Variants in PCSK6 observed in about 807,000 individuals in gnomAD.
PCSK6 encodes proprotein convertase subtilisin/kexin type 6.
In PCSK6, 85 loss-of-function variants were observed where a neutral mutation model predicts 123.3. The ratio of observed to expected loss-of-function variants is 0.69; its 90% confidence interval spans 0.58 to 0.83. PCSK6 has a LOEUF of 0.83. PCSK6 is among the 40% of genes least tolerant of loss of function. The probability of loss-of-function intolerance (pLI) is 0.00; values close to 1 mark genes in which losing one functional copy is unlikely to be tolerated. For synonymous variants in PCSK6, 508 were observed against 516.0 expected (o/e 0.98, Z 0.21); for missense variants, 1,191 against 1,282.3 (o/e 0.93, Z 1.09).
intron 13 of PCSK6, among the ~76,000 whole-genome samples, chr15:101,341,335 G>A (rs1320852439): frequency 2.7e-5 from 4 of 147,958 alleles, no homozygotes; most frequent in Non-Finnish European, 4.4e-5. Context: ...TGCAACCTCT[G>A]CCTCCTGGAT....
chr15:101,376,892 G>C (rs1412036540), intron 11 of PCSK6, among the ~76,000 whole-genome samples: 1 of 152,162 alleles, frequency 6.6e-6, no homozygotes, highest in Non-Finnish European at 1.5e-5. Flanking sequence ...CCCAAGAGGA[G>C]AAACCAGAAG....
Position 101,398,291 on chromosome 15 carries a change from G to C in PCSK6, c.996+113C>G. On this transcript the variant is annotated intron_variant, in intron 7 of 21. Transcript: ENST00000611716. This position sits in a 1 kb window ranked among gnomAD's most constrained non-coding sequence, Gnocchi z 4.6. Reference sequence around the variant, plus strand: ...ACTGGCCCTGGCACCTGTCACAGCAGAGTCTTCCCTGTCTTGTTTCAGGGC... The same window carrying C: ...ACTGGCCCTGGCACCTGTCACAGCACAGTCTTCCCTGTCTTGTTTCAGGGC... 1 of 1,306,442 alleles carries C rather than the reference G, an allele frequency of 7.7e-7. No individual in the cohort carries two copies. Among genetic ancestry groups the C allele is most frequent in the African/African-American group, 1.5e-5 (1 of 68,246 alleles). The allele number at this position is 1,306,442 out of a possible 1,614,324, so 80.9% of individuals were successfully genotyped here. A position where few individuals can be genotyped will look rare whatever the true frequency, so the allele number is the denominator to read the frequency against.
chr15:101,317,654 C>T (rs143645202), intron 19 of PCSK6, among the ~76,000 whole-genome samples: 14 of 152,318 alleles, frequency 9.2e-5, no homozygotes, highest in African/African-American at 3.1e-4. Flanking sequence ...TTTCTGTCCG[C>T]GCCGTTCCAC....
At chr15:101,418,494 A>T (rs1194310743) in intron 6 of PCSK6, among the ~76,000 whole-genome samples, 1 of 149,464 alleles carries the variant, frequency 6.7e-6, no homozygotes, top group African/African-American at 2.4e-5. Flanking sequence ...TATTTCAAAA[A>T]TGAAAGAAAA....
intron 18 of PCSK6, among the ~76,000 whole-genome samples, chr15:101,321,118 C>T (rs1384396604): frequency 6.6e-6 from 1 of 152,208 alleles, no homozygotes; most frequent in Non-Finnish European, 1.5e-5. Context: ...GGTTGAGGAT[C>T]CACTCCTGGG....
At chr15:101,360,499 C>A (rs2041181961) in intron 13 of PCSK6, among the ~76,000 whole-genome samples, 2 of 122,686 alleles carry the variant, frequency 1.6e-5, no homozygotes, top group South Asian at 4.8e-4. Context: ...TGCCCGGGGG[C>A]CTTAGCATCC....
intron 15 of PCSK6, among the ~76,000 whole-genome samples, chr15:101,330,614 C>A (rs1046285629): frequency 1.3e-5 from 2 of 152,204 alleles, no homozygotes; most frequent in South Asian, 4.1e-4. Flanking sequence ...TCTCTGAGAG[C>A]CAGGAATGCA....
chr15:101,342,129 C>CAAAAAAAAAAAAAAAAAAAAAAAA (rs35083182), intron 13 of PCSK6, among the ~76,000 whole-genome samples: 6 of 51,522 alleles, frequency 1.2e-4, no homozygotes, highest in African/African-American at 4.6e-4. Flanking sequence ...GACCCTGTCT[C>CAAAAAAAAAAAAAAAAAAAAAAAA]AAAAAAAAAA....
intron 11 of PCSK6, among the ~76,000 whole-genome samples, chr15:101,379,810 C>T (rs752305496): frequency 1.1e-4 from 16 of 152,212 alleles, no homozygotes; most frequent in Non-Finnish European, 2.1e-4. Context: ...TGGGGATACT[C>T]GCGGCTCAGG....
chr15:101,307,145 T>C (rs2039741483), intron 21 of PCSK6, 68 bp downstream of exon 21: 3 of 1,210,782 alleles, frequency 2.5e-6, no homozygotes, highest in Non-Finnish European at 3.6e-6. Flanking sequence ...TGCTTTTCTC[T>C]TTGGAGCACG....
At chr15:101,328,494 C>T (rs2040308487) in intron 15 of PCSK6, among the ~76,000 whole-genome samples, 1 of 152,122 alleles carries the variant, frequency 6.6e-6, no homozygotes, top group South Asian at 2.1e-4. Flanking sequence ...AGGGAAAGTG[C>T]AGATGTCCTC....
intron 1 of PCSK6, among the ~76,000 whole-genome samples, chr15:101,480,108 C>T (rs1181438361): frequency 6.6e-6 from 1 of 152,244 alleles, no homozygotes; most frequent in African/African-American, 2.4e-5. Context: ...GATGGATTCC[C>T]CCCAGGGCGG....
chr15:101,331,039 C>G (rs998352994), intron 15 of PCSK6, among the ~76,000 whole-genome samples: 3 of 152,188 alleles, frequency 2.0e-5, no homozygotes, highest in Non-Finnish European at 4.4e-5. Context: ...ATATGTCCAA[C>G]CAGAAATACC....
At chr15:101,310,657 C>T (rs1046702337) in intron 20 of PCSK6, among the ~76,000 whole-genome samples, 11 of 152,100 alleles carry the variant, frequency 7.2e-5, no homozygotes, top group East Asian at 3.9e-4. Context: ...TGATGCTTGC[C>T]GAGATACGTA....
At chr15:101,330,624 A>G (rs1012651151) in intron 15 of PCSK6, among the ~76,000 whole-genome samples, 5 of 152,142 alleles carry the variant, frequency 3.3e-5, no homozygotes, top group African/African-American at 9.7e-5. Context: ...CCAGGAATGC[A>G]TCTCCTTCCC....
intron 6 of PCSK6, among the ~76,000 whole-genome samples, chr15:101,416,021 C>G (rs34210638): frequency 0.071 from 10,828 of 152,192 alleles, 488 homozygotes; most frequent in East Asian, 0.17. Flanking sequence ...GAAAAGATAC[C>G]CCAAAATGTG....
Position 101,370,541 on chromosome 15 carries a change from G to A in PCSK6, c.1533-18C>T, listed in dbSNP as rs1567171179. 7.0e-7 allele frequency: 1 copy of A among 1,430,554 alleles called. No individual in the cohort carries two copies. Among genetic ancestry groups the A allele is most frequent in the Non-Finnish European group, 9.2e-7 (1 of 1,082,914 alleles). 88.6% of individuals were successfully genotyped at this position (1,430,554 alleles called of 1,614,324 possible). On this transcript the variant is annotated intron_variant, in intron 11 of 21. Coordinates refer to ENST00000611716, the MANE Select transcript of PCSK6 (RefSeq NM_002570.5). ...GGATGCTCCTGGGGGAGAAGGGAGG[G>A]CTCAGCACTTGGCACCGGAAGCATG...
chr15:101,305,562 G>T lies in PCSK6; in HGVS notation c.2813-207C>A. The T allele has an allele frequency of 2.1e-6, 1 of 486,848 alleles. No individual in the cohort carries two copies. Among genetic ancestry groups the T allele is most frequent in the Admixed American group, 3.3e-5 (1 of 30,560 alleles). 30.2% of individuals were successfully genotyped at this position (486,848 alleles called of 1,614,324 possible). On this transcript the variant is annotated intron_variant, in intron 21 of 21. Coordinates refer to ENST00000611716, the MANE Select transcript of PCSK6 (RefSeq NM_002570.5). The surrounding 1 kb of genome is among the most constrained non-coding windows in gnomAD (Gnocchi z 4.8). ...GTCTCTACTAATAATATAAAAATTA[G>T]CTGGGCATGGTGGTGGGCACCTGTA...
At chr15:101,449,381 T>G (rs1192141390) in intron 1 of PCSK6, among the ~76,000 whole-genome samples, 2 of 152,118 alleles carry the variant, frequency 1.3e-5, no homozygotes, top group Non-Finnish European at 2.9e-5. Flanking sequence ...AACCCGTGGA[T>G]AAAGACAGCC....
Sources: allele counts gnomAD v4.1 joint callset (sites outside exome capture counted in the v4.1 genomes callset), GRCh38; gene constraint gnomAD v4.1.1; non-coding constraint Gnocchi (gnomAD v3.1); transcripts MANE v1.5; gene names NCBI Gene and HGNC (gene_info 2026-07-23, HGNC 2026-07-21).